Variants in ZNF544 observed in about 807,000 individuals in gnomAD.
ZNF544 encodes the protein zinc finger protein AF020591.
ZNF544 carries 10 observed loss-of-function variants against 13.5 expected under a neutral mutation model. The ratio of observed to expected loss-of-function variants is 0.74; its 90% CI spans 0.46 to 1.25. The LOEUF (loss-of-function observed/expected upper bound fraction) is 1.25. Among genes scored for constraint, ZNF544 ranks in the 50% most tolerant of loss-of-function variants. The pLI is 0.00. For missense variants in ZNF544, 896 were observed against 845.6 expected (o/e 1.06, Z -0.74); for synonymous variants, 323 against 300.5 (o/e 1.07, Z -0.77).
At chr19:58,243,067 G>A (rs2044255778) in intron 3 of ZNF544, among the ~76,000 whole-genome samples, 1 of 152,070 alleles carries the variant, frequency 6.6e-6, no homozygotes, top group Non-Finnish European at 1.5e-5. Flanking sequence ...GACTCAAGCA[G>A]TCTGCCTGCT....
intron 3 of ZNF544, among the ~76,000 whole-genome samples, chr19:58,238,357 C>T (rs540488745): frequency 2.6e-5 from 4 of 152,282 alleles, no homozygotes; most frequent in Admixed American, 1.3e-4. Flanking sequence ...GGTGTCCCTG[C>T]GGCTTCCTGG....
chr19:58,230,908 C>A (rs1318183436), intron 3 of ZNF544, among the ~76,000 whole-genome samples: 1 of 152,028 alleles, frequency 6.6e-6, no homozygotes, highest in Non-Finnish European at 1.5e-5. Context: ...TTGAAAGAGT[C>A]CAGAGTCATC....
chr19:58,272,964 G>C (rs972937606), intron 5 of ZNF544, among the ~76,000 whole-genome samples: 8 of 151,444 alleles, frequency 5.3e-5, no homozygotes, highest in African/African-American at 1.9e-4. Context: ...TGGGCAGATT[G>C]CAAGTTCAGG....
At chr19:58,237,905 C>T (rs774855975) in intron 3 of ZNF544, among the ~76,000 whole-genome samples, 7 of 152,156 alleles carry the variant, frequency 4.6e-5, no homozygotes, top group Non-Finnish European at 1.0e-4. Context: ...GGAAGGTGTT[C>T]CATGAGACTG....
At chr19:58,275,075 G>T (rs1485203912) in intron 5 of ZNF544, among the ~76,000 whole-genome samples, 2 of 152,074 alleles carry the variant, frequency 1.3e-5, no homozygotes, top group East Asian at 3.8e-4. Context: ...GGCAGGGGGA[G>T]GGTGGTGCCT....
At chr19:58,248,704 C>G (rs1223330133) in intron 6 of ZNF544, among the ~76,000 whole-genome samples, 1 of 152,106 alleles carries the variant, frequency 6.6e-6, no homozygotes, top group Non-Finnish European at 1.5e-5. Context: ...GGAGGATGTG[C>G]AGGTTCTTGG....
At chr19:58,265,282 ATATTTATT>A (rs139270092), downstream of ZNF544, among the ~76,000 whole-genome samples, 81 of 147,460 alleles carry the variant, frequency 5.5e-4, no homozygotes, top group African/African-American at 1.4e-3. Flanking sequence ...CCATGTCTGC[ATATTTATT>A]TATTTATTTA....
At chr19:58,265,634 C>CA (rs2049772585), downstream of ZNF544, among the ~76,000 whole-genome samples, 1 of 149,014 alleles carries the variant, frequency 6.7e-6, no homozygotes, top group South Asian at 2.1e-4. Context: ...GTTGCTCTGT[C>CA]ACCCAGGCTG....
In ZNF544 at chr19:58,270,304, C is replaced by CTTTTTTTT. The variant is rs202213273; in HGVS notation, c.245-6017_245-6010dup. On this transcript the variant is annotated intron_variant, in intron 5 of 6. Transcript: ENST00000595981. ...CTGTGACGTGAACCCTAGGTATTGG[C>CTTTTTTTT]TTTTTTTTTCTTTTTTTTTGAGAAG... Among the ~76,000 whole-genome samples, 5 of 136,406 alleles carry CTTTTTTTT rather than the reference C, an allele frequency of 3.7e-5. 1 individual carries two copies. Among genetic ancestry groups the CTTTTTTTT allele is most frequent in the Non-Finnish European group, 1.6e-5 (1 of 63,376 alleles). The allele number at this position is 136,406 out of a possible 152,430, so 89.5% of individuals were successfully genotyped here. A position where few individuals can be genotyped will look rare whatever the true frequency, so the allele number is the denominator to read the frequency against.
At chr19:58,244,954 AT>A (rs923346457) in intron 4 of ZNF544, among the ~76,000 whole-genome samples, 106 of 135,582 alleles carry the variant, frequency 7.8e-4, no homozygotes, top group Admixed American at 8.9e-4. Flanking sequence ...CTTAATCACC[AT>A]TTTTTTTTTT....
At chr19:58,252,415 AT>A (rs2046431405) in intron 6 of ZNF544, among the ~76,000 whole-genome samples, 1 of 152,186 alleles carries the variant, frequency 6.6e-6, no homozygotes, top group African/African-American at 2.4e-5. Context: ...ACCATACAGG[AT>A]CCTGTCTCAT....
intron 3 of ZNF544, among the ~76,000 whole-genome samples, chr19:58,232,400 G>A (rs920311274): frequency 1.4e-5 from 2 of 142,784 alleles, no homozygotes; most frequent in Non-Finnish European, 3.0e-5. Flanking sequence ...CACCCAGACT[G>A]GAGTGCAGTG....
At chr19:58,236,835 G>A (rs1030654490) in intron 3 of ZNF544, among the ~76,000 whole-genome samples, 14 of 151,150 alleles carry the variant, frequency 9.3e-5, no homozygotes, top group Non-Finnish European at 1.6e-4. Flanking sequence ...TCCATTCCCC[G>A]GGTTCAAACA....
At chr19:58,240,101 T>C (rs2043244213) in intron 3 of ZNF544, among the ~76,000 whole-genome samples, 1 of 152,092 alleles carries the variant, frequency 6.6e-6, no homozygotes, top group Non-Finnish European at 1.5e-5. Context: ...TATGTAGGCA[T>C]GGAGCCTATA....
At position 58,263,159 on chromosome 19, in the gene ZNF544, T is replaced by G; in HGVS notation, c.*405T>G. On this transcript the variant is annotated 3_prime_UTR_variant, in exon 7 of 7. Transcript: ENST00000687789. Reference sequence around the variant, plus strand: ...ATGAGAAAGCTCATGGGCAAGAAACTCTATGAATAACCAAGATGGAGCCGG... The same window carrying G: ...ATGAGAAAGCTCATGGGCAAGAAACGCTATGAATAACCAAGATGGAGCCGG... 1.0e-6 allele frequency: 1 copy of G among 1,000,434 alleles called. No individual in the cohort carries two copies. The highest frequency in any genetic ancestry group is 1.2e-6 in the Non-Finnish European group (1 of 838,362). 62.0% of individuals were successfully genotyped at this position (1,000,434 alleles called of 1,614,324 possible).
chr19:58,271,665 C>T (rs1057156507), intron 5 of ZNF544, among the ~76,000 whole-genome samples: 2 of 152,068 alleles, frequency 1.3e-5, no homozygotes, highest in African/African-American at 4.8e-5. Flanking sequence ...GAGTACTTTC[C>T]CTTTTAAGCC....
chr19:58,260,787 T>C (rs2048749516), intron 6 of ZNF544, 64 bp from the exon 7 acceptor site: 1 of 1,442,038 alleles, frequency 6.9e-7, no homozygotes, highest in African/African-American at 1.4e-5. Flanking sequence ...GTCTCCTTCA[T>C]CTCCCCCTCC....
intron 6 of ZNF544, chr19:58,251,186 A>C: frequency 5.4e-6 from 2 of 370,094 alleles, no homozygotes; most frequent in Non-Finnish European, 1.1e-5. Flanking sequence ...GTTTAGAAGA[A>C]AGCAATTAAA....
chr19:58,246,652 C>A, intron 5 of ZNF544, 59 bp from the exon 6 acceptor site: 1 of 1,588,956 alleles, frequency 6.3e-7, no homozygotes, highest in Non-Finnish European at 8.6e-7. Flanking sequence ...AGCTTGGACC[C>A]AGGACATGGT....
Sources: allele counts gnomAD v4.1 joint callset (sites outside exome capture counted in the v4.1 genomes callset), GRCh38; gene constraint gnomAD v4.1.1; transcripts MANE v1.5; gene names NCBI Gene and HGNC (gene_info 2026-07-23, HGNC 2026-07-21).